Variants in SRGAP1 observed in about 807,000 individuals in gnomAD.
The protein encoded by SRGAP1 is SLIT-ROBO Rho GTPase activating protein 1.
In SRGAP1, 43 loss-of-function variants were observed where a neutral mutation model predicts 121.9. That is an observed-to-expected ratio of 0.35 (90% CI 0.28 to 0.46). The LOEUF (loss-of-function observed/expected upper bound fraction) is 0.46. Ranked by LOEUF, SRGAP1 falls within the 20% of genes least tolerant of loss-of-function variation. The probability of loss-of-function intolerance (pLI) is 1.00; values close to 1 mark genes in which losing one functional copy is unlikely to be tolerated. For missense variants in SRGAP1, 1,102 were observed against 1,350.9 expected (o/e 0.82, Z 2.89); for synonymous variants, 447 against 485.4 (o/e 0.92, Z 1.04).
chr12:63,909,219 A>G (rs1364153303), intron 1 of SRGAP1, among the ~76,000 whole-genome samples: 3 of 152,190 alleles, frequency 2.0e-5, no homozygotes, highest in Non-Finnish European at 4.4e-5. Flanking sequence ...ATTCAGTGAT[A>G]TTTACTTATG....
At chr12:64,088,589 A>G (rs1456370370) in intron 11 of SRGAP1, among the ~76,000 whole-genome samples, 1 of 152,202 alleles carries the variant, frequency 6.6e-6, no homozygotes, top group African/African-American at 2.4e-5. Flanking sequence ...GGAATGTTGA[A>G]CGTCCCTGGC....
At chr12:64,075,374 G>A (rs540390106) in intron 8 of SRGAP1, among the ~76,000 whole-genome samples, 104 of 152,338 alleles carry the variant, frequency 6.8e-4, no homozygotes, top group Non-Finnish European at 1.3e-3. Flanking sequence ...GGCGGGCCAG[G>A]TGTTCCTTGC....
chr12:64,043,443 C>G lies in SRGAP1; in HGVS notation c.673-4C>G, dbSNP rs142477721. 1,386 of 1,608,424 alleles carry G rather than the reference C, an allele frequency of 8.6e-4. 10 individuals carry two copies. The African/African-American group carries it at 0.016, about 19-fold the overall frequency. On this transcript the variant is annotated splice_polypyrimidine_tract_variant and splice_region_variant and intron_variant, in intron 5 of 21. Coordinates refer to ENST00000355086, the MANE Select transcript of SRGAP1 (RefSeq NM_020762.4). ...TCCCAATGCCTGGATCTTCTTCATTCCAGAGACAAGCAAAATATTCAGAAA... is the reference window on the plus strand; with the variant it reads ...TCCCAATGCCTGGATCTTCTTCATTGCAGAGACAAGCAAAATATTCAGAAA...
At chr12:64,071,876 C>G (rs917699849) in intron 8 of SRGAP1, among the ~76,000 whole-genome samples, 1 of 148,888 alleles carries the variant, frequency 6.7e-6, no homozygotes, top group South Asian at 2.4e-4. Flanking sequence ...CCTCACCCCC[C>G]CCCAAAAAAA....
chr12:63,979,489 G>A lies in SRGAP1; in HGVS notation c.68-4458G>A, dbSNP rs149348165. On this transcript the variant is annotated intron_variant, in intron 1 of 21. Transcript: ENST00000355086. ...TTTCACTTTCTTGGTGGTTACTGCCGTGTATCTTGTAACCTACTTACCCTT... is the reference window on the plus strand; with the variant it reads ...TTTCACTTTCTTGGTGGTTACTGCCATGTATCTTGTAACCTACTTACCCTT... Among the ~76,000 whole-genome samples the A allele has an allele frequency of 1.4e-3, 207 of 151,988 alleles. 1 individual carries two copies. Among genetic ancestry groups the A allele is most frequent in the African/African-American group, 4.5e-3 (185 of 41,468 alleles).
chr12:64,093,119 ATTTTTTCTC>A (rs2036086230), intron 12 of SRGAP1, among the ~76,000 whole-genome samples: 2 of 152,180 alleles, frequency 1.3e-5, no homozygotes, highest in Admixed American at 1.3e-4. Flanking sequence ...GAGCAAAACC[ATTTTTTCTC>A]TTTTTTCTCT....
At chr12:64,085,088 G>T (rs1014317933) in intron 10 of SRGAP1, among the ~76,000 whole-genome samples, 1 of 152,046 alleles carries the variant, frequency 6.6e-6, no homozygotes, top group Non-Finnish European at 1.5e-5. Context: ...GTACATTATA[G>T]TTCCTGGGAT....
intron 18 of SRGAP1, among the ~76,000 whole-genome samples, chr12:64,121,999 C>T (rs1019113148): frequency 3.9e-5 from 6 of 152,238 alleles, no homozygotes; most frequent in Admixed American, 1.3e-4. Context: ...GCTTTTGTTT[C>T]TGAAAGACAG....
intron 6 of SRGAP1, among the ~76,000 whole-genome samples, chr12:64,047,179 A>G (rs1004060772): frequency 3.2e-4 from 48 of 152,224 alleles, no homozygotes; most frequent in African/African-American, 1.1e-3. Context: ...AAATGATATG[A>G]AGTTGGTTTG....
intron 1 of SRGAP1, among the ~76,000 whole-genome samples, chr12:63,902,143 C>T (rs1203892157): frequency 1.3e-5 from 2 of 152,148 alleles, no homozygotes; most frequent in African/African-American, 4.8e-5. Context: ...GGTGAAACCC[C>T]ATCGCTATTA....
chr12:63,845,625 A>C (rs558955666), intron 1 of SRGAP1, among the ~76,000 whole-genome samples: 1 of 137,864 alleles, frequency 7.3e-6, no homozygotes, highest in African/African-American at 2.9e-5. Context: ...AAACCTAATT[A>C]AGGCTGATTA....
At chr12:64,030,483 C>T (rs2034751207) in intron 4 of SRGAP1, among the ~76,000 whole-genome samples, 2 of 152,272 alleles carry the variant, frequency 1.3e-5, no homozygotes, top group South Asian at 4.1e-4. Context: ...AATTTATCTT[C>T]TTTAGGGTAA....
chr12:64,142,316 A>G lies in SRGAP1; in HGVS notation c.2902A>G (p.Thr968Ala). 6.2e-7 allele frequency: 1 copy of G among 1,613,792 alleles called. No individual in the cohort carries two copies. Among genetic ancestry groups the G allele is most frequent in the Non-Finnish European group, 8.5e-7 (1 of 1,179,738 alleles). ...ATAGGATATTGAAGAAACGATGAAC[A>G]CAGCTTTGAATGAACTCCGAGAACT... ...IAQDIEETMNTALNELRELER... is the reference protein window; with the variant it reads ...IAQDIEETMNAALNELRELER... Residue 968 changes from threonine (T) to alanine (A), a missense_variant, in exon 22 of 22, where the codon ACA becomes GCA. Thr to Ala is a moderately conservative substitution (Grantham distance 58, BLOSUM62 0). This residue lies in a region of SRGAP1 where 315 missense variants were observed against 343.1 expected (regional missense o/e 0.92). Coordinates refer to ENST00000355086, the MANE Select transcript of SRGAP1 (RefSeq NM_020762.4).
chr12:64,079,384 C>T (rs137913588), intron 9 of SRGAP1, among the ~76,000 whole-genome samples: 191 of 151,992 alleles, frequency 1.3e-3, no homozygotes, highest in African/African-American at 4.2e-3. Context: ...AATCCCAACA[C>T]TTGCGAGGCT....
At chr12:63,942,122 C>T (rs542716536) in intron 1 of SRGAP1, among the ~76,000 whole-genome samples, 1 of 151,978 alleles carries the variant, frequency 6.6e-6, no homozygotes, top group South Asian at 2.1e-4. Context: ...TCAACACCCT[C>T]TATTTGTACT....
chr12:64,064,498 C>G (rs774836675), intron 7 of SRGAP1, among the ~76,000 whole-genome samples: 7 of 152,178 alleles, frequency 4.6e-5, no homozygotes, highest in Middle Eastern at 3.2e-3. Context: ...TTGAAAGATG[C>G]TAAAGTAGTC....
intron 1 of SRGAP1, among the ~76,000 whole-genome samples, chr12:63,908,582 G>T (rs2030338216): frequency 6.6e-6 from 1 of 152,098 alleles, no homozygotes. Flanking sequence ...TAGAGACAGG[G>T]TTTCACCATG....
At chr12:64,061,821 G>C (rs1030089737) in intron 6 of SRGAP1, among the ~76,000 whole-genome samples, 2 of 152,086 alleles carry the variant, frequency 1.3e-5, no homozygotes, top group Non-Finnish European at 2.9e-5. Flanking sequence ...CTTTCACTTA[G>C]AATAATGTTT....
intron 4 of SRGAP1, among the ~76,000 whole-genome samples, chr12:64,022,797 T>G (rs2034577453): frequency 6.6e-6 from 1 of 152,192 alleles, no homozygotes; most frequent in Non-Finnish European, 1.5e-5. Flanking sequence ...TTTGCATGCT[T>G]GCTGAGCTAT....
Sources: allele counts gnomAD v4.1 joint callset (sites outside exome capture counted in the v4.1 genomes callset), GRCh38; gene constraint gnomAD v4.1.1; regional missense constraint gnomAD v4.1.1; transcripts MANE v1.5; gene names NCBI Gene and HGNC (gene_info 2026-07-23, HGNC 2026-07-21).